Variants in KIF26B observed in about 807,000 individuals in gnomAD.
KIF26B encodes kinesin family member 26B.
Under a neutral mutation model 151.2 loss-of-function variants are expected in KIF26B, and 63 were observed. The observed-to-expected ratio is 0.42, with a 90% CI of 0.34 to 0.51. The LOEUF is 0.51. Among genes scored for constraint, KIF26B ranks in the 20% least tolerant of loss-of-function variants. KIF26B has a pLI of 0.07. For missense variants in KIF26B, 2,813 were observed against 2,913.6 expected, an observed-to-expected ratio of 0.97 and a Z score of 0.79; for synonymous variants, 1,357 against 1,262.1, an observed-to-expected ratio of 1.08 and a Z score of -1.59.
chr1:245,473,790 C>T (rs774350981), intron 4 of KIF26B, among the ~76,000 whole-genome samples: 15 of 151,964 alleles, frequency 9.9e-5, no homozygotes, highest in African/African-American at 3.1e-4. Context: ...AAGGAGGGGC[C>T]GGGGTTGCCC....
chr1:245,425,494 C>T (rs1204578962), intron 4 of KIF26B, among the ~76,000 whole-genome samples: 2 of 152,142 alleles, frequency 1.3e-5, no homozygotes. Flanking sequence ...GCAAGCTCCA[C>T]CTCCCAGGTT....
At chr1:245,272,757 C>T (rs2102964189) in intron 2 of KIF26B, among the ~76,000 whole-genome samples, 1 of 152,038 alleles carries the variant, frequency 6.6e-6, no homozygotes, top group Admixed American at 6.5e-5. Context: ...TTTCTAAATT[C>T]CCCAGTGATT....
At chr1:245,660,363 A>G (rs1185556350) in intron 10 of KIF26B, among the ~76,000 whole-genome samples, 1 of 28,746 alleles carries the variant, frequency 3.5e-5, no homozygotes, top group Non-Finnish European at 7.0e-5. Flanking sequence ...TAGGGGAGAC[A>G]AAGGTCTTGT....
chr1:245,680,001 G>C (rs2044411465), intron 10 of KIF26B, among the ~76,000 whole-genome samples: 1 of 152,112 alleles, frequency 6.6e-6, no homozygotes, highest in African/African-American at 2.4e-5. Flanking sequence ...CTCTGGGGAG[G>C]GGGTGGCCAG....
chr1:245,446,265 C>G (rs1659248340), intron 4 of KIF26B, among the ~76,000 whole-genome samples: 1 of 152,148 alleles, frequency 6.6e-6, no homozygotes, highest in Non-Finnish European at 1.5e-5. Context: ...AGCAAAGATA[C>G]AGTGTTATCA....
At chr1:245,276,042 C>T (rs1670929612) in intron 2 of KIF26B, among the ~76,000 whole-genome samples, 1 of 152,084 alleles carries the variant, frequency 6.6e-6, no homozygotes, top group African/African-American at 2.4e-5. Context: ...TCTTTTGTTG[C>T]TTTAAAAATT....
intron 4 of KIF26B, among the ~76,000 whole-genome samples, chr1:245,532,389 G>C (rs1042230388): frequency 3.3e-5 from 5 of 151,706 alleles, no homozygotes; most frequent in Admixed American, 6.6e-5. Context: ...GGGACTACAG[G>C]CGCCCGCCAC....
intron 2 of KIF26B, among the ~76,000 whole-genome samples, chr1:245,344,486 C>T (rs546155746): frequency 7.8e-6 from 1 of 128,228 alleles, no homozygotes; most frequent in East Asian, 2.2e-4. Context: ...CTGAGCTAGA[C>T]TCCGTCTCAA....
intron 2 of KIF26B, among the ~76,000 whole-genome samples, chr1:245,158,219 A>C (rs1289981864): frequency 6.6e-6 from 1 of 152,150 alleles, no homozygotes; most frequent in Non-Finnish European, 1.5e-5. Flanking sequence ...TATTCTTATA[A>C]TAGGCTTATT....
At position 245,703,788 on chromosome 1, in the gene KIF26B, C is replaced by A. The variant is rs2044805641; in HGVS notation, c.*1182C>A. The stretch of plus-strand genomic sequence containing the variant: ...TAGAAGAAGGATTCTTGAGACTGTA[C>A]ATCTTGTCTGTTGTCCAGAGTACAA... On this transcript the variant is annotated 3_prime_UTR_variant, in exon 15 of 15. Coordinates refer to ENST00000407071, the MANE Select transcript of KIF26B (RefSeq NM_018012.4). 1 of 152,192 alleles carries A rather than the reference C, an allele frequency of 6.6e-6. No individual in the cohort carries two copies. 9.4% of individuals were successfully genotyped at this position (152,192 alleles called of 1,614,324 possible). A position where few individuals can be genotyped will look rare whatever the true frequency, so the allele number is the denominator to read the frequency against.
intron 4 of KIF26B, among the ~76,000 whole-genome samples, chr1:245,496,213 G>C (rs34661819): frequency 0.033 from 5,041 of 152,226 alleles, 133 homozygotes; most frequent in Non-Finnish European, 0.05. Context: ...ATAAATATGT[G>C]ATAAAGTAAA....
intron 3 of KIF26B, among the ~76,000 whole-genome samples, chr1:245,392,691 G>T (rs1673728036): frequency 6.6e-6 from 1 of 152,164 alleles, no homozygotes; most frequent in African/African-American, 2.4e-5. Context: ...AATGTCACAG[G>T]GATGTCTTTT....
chr1:245,523,815 T>C (rs1301428513), intron 4 of KIF26B, among the ~76,000 whole-genome samples: 4 of 152,214 alleles, frequency 2.6e-5, no homozygotes, highest in Non-Finnish European at 5.9e-5. Context: ...CATCTAATTT[T>C]GAGCCACCTA....
chr1:245,207,099 T>TG (rs1669419916), intron 2 of KIF26B, among the ~76,000 whole-genome samples: 1 of 151,950 alleles, frequency 6.6e-6, no homozygotes, highest in South Asian at 2.1e-4. Flanking sequence ...AAGGGCAGAG[T>TG]GGGGCATTCC....
chr1:245,577,254 G>T (rs73137630), intron 5 of KIF26B, among the ~76,000 whole-genome samples: 1 of 152,102 alleles, frequency 6.6e-6, no homozygotes, highest in African/African-American at 2.4e-5. Context: ...CATTTCCTGG[G>T]ATCTCAAGCT....
chr1:245,288,961 C>G (rs1339710522), intron 2 of KIF26B, among the ~76,000 whole-genome samples: 2 of 152,080 alleles, frequency 1.3e-5, no homozygotes, highest in Non-Finnish European at 2.9e-5. Flanking sequence ...ACCTTCCATG[C>G]CTATGACACA....
chr1:245,253,970 C>T lies in KIF26B; in HGVS notation c.465+97287C>T, dbSNP rs12032338. ...GACTACAGGCGCCCGCCACCACGCC[C>T]GGCTGATTTTTTTGTATTTTTAGTA... On this transcript the variant is annotated intron_variant, in intron 2 of 14. Transcript: ENST00000407071. Among the ~76,000 whole-genome samples the T allele has an allele frequency of 5.7e-3, 872 of 151,758 alleles. 13 individuals are homozygous for T. In the East Asian group the frequency reaches 0.074, roughly 13 times the overall value.
At chr1:245,374,499 G>A (rs566109018) in intron 3 of KIF26B, among the ~76,000 whole-genome samples, 5 of 152,054 alleles carry the variant, frequency 3.3e-5, no homozygotes, top group Non-Finnish European at 7.4e-5. Context: ...TTTCATCCAC[G>A]TTCTTCGCAG....
intron 9 of KIF26B, among the ~76,000 whole-genome samples, chr1:245,643,027 G>A (rs1188943430): frequency 3.3e-5 from 5 of 152,292 alleles, no homozygotes; most frequent in African/African-American, 1.2e-4. Context: ...AGTCTCTTTT[G>A]TCTAATATTG....
Sources: allele counts gnomAD v4.1 joint callset (sites outside exome capture counted in the v4.1 genomes callset), GRCh38; gene constraint gnomAD v4.1.1; transcripts MANE v1.5; gene names NCBI Gene and HGNC (gene_info 2026-07-23, HGNC 2026-07-21).